The following CSMD3 variants were observed in gnomAD, a reference collection of about 807,000 sequenced individuals.
The protein encoded by CSMD3 is CUB and Sushi multiple domains 3.
Under a neutral mutation model 435.2 loss-of-function variants are expected in CSMD3, and 177 were observed. The observed-to-expected ratio is 0.41, with a 90% CI of 0.36 to 0.46. The LOEUF (loss-of-function observed/expected upper bound fraction) is 0.46. Ranked by LOEUF, CSMD3 falls within the 20% of genes least tolerant of loss-of-function variation. CSMD3 has a pLI of 0.34. For missense variants in CSMD3, 4,265 were observed against 4,504.6 expected (o/e 0.95, Z 1.52); for synonymous variants, 1,656 against 1,520.5 (o/e 1.09, Z -2.07).
intron 10 of CSMD3, among the ~76,000 whole-genome samples, chr8:112,912,351 T>A (rs941581579): frequency 6.6e-6 from 1 of 151,702 alleles, no homozygotes; most frequent in Non-Finnish European, 1.5e-5. Flanking sequence ...TTTTTCATAA[T>A]GGCTGTACTA....
At chr8:112,312,085 T>G (rs1822030136) in intron 49 of CSMD3, among the ~76,000 whole-genome samples, 1 of 152,184 alleles carries the variant, frequency 6.6e-6, no homozygotes, top group Non-Finnish European at 1.5e-5. Context: ...ATTGTTTAAT[T>G]TGAATAGTTT....
At chr8:113,261,853 G>GCTAACATA (rs1419049805) in intron 3 of CSMD3, among the ~76,000 whole-genome samples, 5 of 152,022 alleles carry the variant, frequency 3.3e-5, no homozygotes. Context: ...AAAGATACTA[G>GCTAACATA]CTAACATATA....
intron 3 of CSMD3, among the ~76,000 whole-genome samples, chr8:113,192,598 T>A: frequency 6.6e-6 from 1 of 151,694 alleles, no homozygotes; most frequent in Non-Finnish European, 1.5e-5. Flanking sequence ...TATCTCTGAC[T>A]TTTTTCTCTC....
At chr8:112,971,655 C>CA (rs909530139) in intron 7 of CSMD3, among the ~76,000 whole-genome samples, 34 of 152,198 alleles carry the variant, frequency 2.2e-4, no homozygotes, top group African/African-American at 8.2e-4. Flanking sequence ...AAAATGCAGT[C>CA]AAAAATATTA....
At chr8:112,608,590 A>C (rs1322271878) in intron 22 of CSMD3, among the ~76,000 whole-genome samples, 1 of 151,984 alleles carries the variant, frequency 6.6e-6, no homozygotes, top group Non-Finnish European at 1.5e-5. Context: ...AAAACTATAT[A>C]TATATATATA....
At chr8:112,610,203 G>T (rs1462458847) in intron 22 of CSMD3, among the ~76,000 whole-genome samples, 1 of 152,068 alleles carries the variant, frequency 6.6e-6, no homozygotes, top group South Asian at 2.1e-4. Flanking sequence ...ACTATGTGAG[G>T]GGATGGATAT....
chr8:112,904,723 A>G (rs1345191699), intron 10 of CSMD3, among the ~76,000 whole-genome samples: 1 of 151,418 alleles, frequency 6.6e-6, no homozygotes, highest in Non-Finnish European at 1.5e-5. Context: ...GTCAGCCTCA[A>G]CTTACTGGCC....
chr8:113,158,507 T>C (rs2091977011), intron 4 of CSMD3, among the ~76,000 whole-genome samples: 1 of 152,102 alleles, frequency 6.6e-6, no homozygotes, highest in South Asian at 2.1e-4. Flanking sequence ...AAGTTCATAA[T>C]TTTCAAATTC....
intron 22 of CSMD3, among the ~76,000 whole-genome samples, chr8:112,598,904 A>T (rs1586771979): frequency 6.6e-6 from 1 of 152,044 alleles, no homozygotes; most frequent in African/African-American, 2.4e-5. Flanking sequence ...TAGACCTAAA[A>T]CCATAAAAAC....
chr8:113,307,914 G>GT (rs34044936), intron 2 of CSMD3, among the ~76,000 whole-genome samples: 1 of 152,094 alleles, frequency 6.6e-6, no homozygotes, highest in Non-Finnish European at 1.5e-5. Context: ...CTATTTGGCA[G>GT]TTTTTTCTTA....
At chr8:113,249,898 G>A (rs1057483894) in intron 3 of CSMD3, among the ~76,000 whole-genome samples, 3 of 151,860 alleles carry the variant, frequency 2.0e-5, no homozygotes, top group African/African-American at 4.8e-5. Flanking sequence ...ATGACCAACT[G>A]GGGAACAGTT....
At chr8:113,409,257 A>G (rs1000348746) in intron 1 of CSMD3, among the ~76,000 whole-genome samples, 1 of 150,084 alleles carries the variant, frequency 6.7e-6, no homozygotes, top group African/African-American at 2.4e-5. Flanking sequence ...TAATTTTTGT[A>G]TTTTTTTAGT....
chr8:112,589,826 C>A (rs1831026500), intron 22 of CSMD3, among the ~76,000 whole-genome samples: 1 of 152,064 alleles, frequency 6.6e-6, no homozygotes, highest in Non-Finnish European at 1.5e-5. Context: ...AACGATCCAA[C>A]CGGTAAAGGC....
intron 10 of CSMD3, among the ~76,000 whole-genome samples, chr8:112,906,796 T>G (rs941147559): frequency 2.0e-5 from 3 of 151,574 alleles, no homozygotes; most frequent in African/African-American, 7.3e-5. Flanking sequence ...ATTCTTTCAC[T>G]GATCAACCTT....
chr8:112,637,279 C>T (rs919354034), intron 21 of CSMD3, among the ~76,000 whole-genome samples: 2 of 151,980 alleles, frequency 1.3e-5, no homozygotes, highest in Non-Finnish European at 2.9e-5. Context: ...AGCTATTTAT[C>T]TTATTGTTTT....
chr8:112,252,436 A>G (rs1166686294), intron 63 of CSMD3, among the ~76,000 whole-genome samples: 1 of 151,882 alleles, frequency 6.6e-6, no homozygotes, highest in Non-Finnish European at 1.5e-5. Flanking sequence ...TGAGTCTCAC[A>G]TGGATTCTTT....
intron 61 of CSMD3, among the ~76,000 whole-genome samples, chr8:112,262,642 A>T (rs1174507408): frequency 6.6e-6 from 1 of 152,118 alleles, no homozygotes; most frequent in Non-Finnish European, 1.5e-5. Context: ...TTTTGTAAAA[A>T]GCTGAAGGAA....
chr8:113,214,068 G>C (rs1040092321), intron 3 of CSMD3, among the ~76,000 whole-genome samples: 2 of 151,996 alleles, frequency 1.3e-5, no homozygotes, highest in African/African-American at 4.8e-5. Flanking sequence ...AAAGCATTAA[G>C]TGACAGGATA....
intron 7 of CSMD3, among the ~76,000 whole-genome samples, chr8:112,971,233 T>C (rs1000574832): frequency 2.6e-5 from 4 of 152,228 alleles, no homozygotes; most frequent in African/African-American, 9.6e-5. Context: ...ATGTACCTGC[T>C]ATCCAGTACA....
Sources: allele counts gnomAD v4.1 joint callset (sites outside exome capture counted in the v4.1 genomes callset), GRCh38; gene constraint gnomAD v4.1.1; transcripts MANE v1.5; gene names NCBI Gene and HGNC (gene_info 2026-07-23, HGNC 2026-07-21).